The following DENND1A variants were observed in gnomAD, a reference collection of about 807,000 sequenced individuals.
DENND1A encodes DENN domain-containing protein 1A.
Under a neutral mutation model 113.7 loss-of-function variants are expected in DENND1A, and 51 were observed. The observed-to-expected ratio is 0.45, with a 90% confidence interval of 0.36 to 0.57. DENND1A has a LOEUF of 0.57. Among genes scored for constraint, DENND1A ranks in the 20% least tolerant of loss-of-function variants. The pLI, the probability that DENND1A is intolerant of heterozygous loss-of-function variation, is 0.00. For synonymous variants in DENND1A, 565 were observed against 570.8 expected, an observed-to-expected ratio of 0.99 and a Z score of 0.14; for missense variants, 1,258 against 1,395.9, an observed-to-expected ratio of 0.90 and a Z score of 1.57.
intron 12 of DENND1A, among the ~76,000 whole-genome samples, chr9:123,560,195 T>C (rs1032016627): frequency 2.0e-5 from 3 of 152,130 alleles, no homozygotes; most frequent in East Asian, 1.9e-4. Context: ...AATTTTGAGG[T>C]GACAATCTGA....
At chr9:123,822,448 G>T (rs1031745116) in intron 2 of DENND1A, among the ~76,000 whole-genome samples, 2 of 152,192 alleles carry the variant, frequency 1.3e-5, no homozygotes, top group Non-Finnish European at 2.9e-5. Flanking sequence ...CTCTATAGAA[G>T]GGGGGAAATT....
At chr9:123,916,343 A>G (rs948376325) in intron 1 of DENND1A, among the ~76,000 whole-genome samples, 10 of 150,844 alleles carry the variant, frequency 6.6e-5, no homozygotes, top group African/African-American at 2.4e-4. Context: ...GCCTGGCAAG[A>G]GGAGATGTGA....
chr9:123,715,255 G>A (rs1013083808), intron 5 of DENND1A, among the ~76,000 whole-genome samples: 2 of 152,148 alleles, frequency 1.3e-5, no homozygotes, highest in Admixed American at 1.3e-4. Flanking sequence ...CAAGACAAAT[G>A]AGAATACTCA....
rs2042330885 is a variant in DENND1A at position 123,382,501 on chromosome 9, G to C, written c.2144C>G (p.Ala715Gly). Residue 715 changes from alanine to glycine, a missense_variant, in exon 24 of 24, where the codon GCT (alanine) becomes GGT (glycine). Physicochemically the swap from Ala to Gly is moderately conservative, Grantham distance 60 (BLOSUM62 0). Coordinates refer to ENST00000394215, the MANE Select transcript of DENND1A (RefSeq NM_001352964.2). ...GGCTGAGGGCTTCTCAGGGGAGGCA[G>C]CTGGGGGCTTGCTGGGGATGGCCAT... ...DDMAIPSKPP[A>G]ASPEKPSALL... The C allele has an allele frequency of 6.2e-7, 1 of 1,613,864 alleles. No homozygotes were observed. Among genetic ancestry groups the C allele is most frequent in the Non-Finnish European group, 8.5e-7 (1 of 1,179,918 alleles).
At chr9:123,425,722 T>A (rs1366677268) in intron 19 of DENND1A, among the ~76,000 whole-genome samples, 3 of 152,082 alleles carry the variant, frequency 2.0e-5, no homozygotes, top group African/African-American at 7.2e-5. Flanking sequence ...TATAAATGCA[T>A]CCCCAGCAAG....
chr9:123,671,496 G>GT (rs1386367305), intron 6 of DENND1A, 125 bp from the exon 7 acceptor site: 1 of 863,902 alleles, frequency 1.2e-6, no homozygotes, highest in Non-Finnish European at 1.8e-6. Context: ...ACAGAAATAG[G>GT]TTTGATATTC....
At chr9:123,468,693 A>G (rs1341979780) in intron 13 of DENND1A, among the ~76,000 whole-genome samples, 1 of 152,186 alleles carries the variant, frequency 6.6e-6, no homozygotes, top group African/African-American at 2.4e-5. Context: ...CAACATGGAA[A>G]AAGCTAGTGT....
At chr9:123,498,269 C>T (rs2052128481) in intron 13 of DENND1A, among the ~76,000 whole-genome samples, 1 of 152,242 alleles carries the variant, frequency 6.6e-6, no homozygotes, top group Non-Finnish European at 1.5e-5. Flanking sequence ...CTCATTTAGT[C>T]TTTAAGACCA....
chr9:123,908,987 A>G (rs368683339), intron 1 of DENND1A, among the ~76,000 whole-genome samples: 5,652 of 151,832 alleles, frequency 0.037, 102 homozygotes, highest in Middle Eastern at 0.048. Context: ...AGAAAATGTG[A>G]CACATATACA....
chr9:123,527,826 T>C (rs1185271785), intron 13 of DENND1A, among the ~76,000 whole-genome samples: 2 of 152,220 alleles, frequency 1.3e-5, no homozygotes, highest in Non-Finnish European at 2.9e-5. Context: ...GAAAGATGAA[T>C]GCTAGAAAAG....
intron 11 of DENND1A, among the ~76,000 whole-genome samples, chr9:123,599,684 A>C (rs1477395614): frequency 6.6e-6 from 1 of 152,218 alleles, no homozygotes; most frequent in African/African-American, 2.4e-5. Context: ...CTGCTCAAAA[A>C]GCCCATGGTC....
At chr9:123,707,037 CAGA>C (rs1251645932) in intron 5 of DENND1A, among the ~76,000 whole-genome samples, 1 of 152,058 alleles carries the variant, frequency 6.6e-6, no homozygotes, top group Admixed American at 6.6e-5. Flanking sequence ...TGGGAGTTGT[CAGA>C]AGGTGTTAAT....
intron 5 of DENND1A, among the ~76,000 whole-genome samples, chr9:123,711,424 C>T (rs2066578644): frequency 6.9e-6 from 1 of 145,878 alleles, no homozygotes; most frequent in Admixed American, 7.0e-5. Flanking sequence ...CAAGATCACG[C>T]CACTGCACTC....
intron 19 of DENND1A, among the ~76,000 whole-genome samples, chr9:123,423,703 A>T (rs1158992700): frequency 1.3e-5 from 2 of 152,176 alleles, no homozygotes; most frequent in African/African-American, 4.8e-5. Flanking sequence ...GTAAATATGC[A>T]TTATTTATAC....
At chr9:123,788,540 T>C (rs1290126535) in intron 3 of DENND1A, among the ~76,000 whole-genome samples, 1 of 152,078 alleles carries the variant, frequency 6.6e-6, no homozygotes, top group Non-Finnish European at 1.5e-5. Context: ...ATGAACACAG[T>C]AAACATAATA....
intron 9 of DENND1A, among the ~76,000 whole-genome samples, chr9:123,631,445 G>T (rs1589431069): frequency 6.6e-6 from 1 of 152,106 alleles, no homozygotes; most frequent in Admixed American, 6.5e-5. Flanking sequence ...GAAATGCAAA[G>T]AATACCCAGC....
rs560144531 is a variant in DENND1A, at chr9:123,627,551, C to T, written c.719+2825G>A. Among the ~76,000 whole-genome samples, 251 of 152,220 alleles carry T rather than the reference C, an allele frequency of 1.6e-3. 1 individual carries two copies. The highest frequency in any genetic ancestry group is 3.2e-3 in the Non-Finnish European group (221 of 68,016). On this transcript the variant is annotated intron_variant, in intron 10 of 23. Coordinates refer to ENST00000394215, the MANE Select transcript of DENND1A (RefSeq NM_001352964.2). ...GGTCAGGAGATCGAGACCATCCTGG[C>T]TAACAAGGGAAACTCCGTCTCTACT...
intron 5 of DENND1A, among the ~76,000 whole-genome samples, chr9:123,690,505 G>T (rs1252509526): frequency 6.6e-6 from 1 of 152,008 alleles, no homozygotes; most frequent in Non-Finnish European, 1.5e-5. Flanking sequence ...GACTATAGAA[G>T]AATACTTAAC....
At chr9:123,480,340 A>G (rs1169350749) in intron 13 of DENND1A, among the ~76,000 whole-genome samples, 1 of 152,120 alleles carries the variant, frequency 6.6e-6, no homozygotes, top group Non-Finnish European at 1.5e-5. Flanking sequence ...GAGAGGCTTC[A>G]AGGCTCTTCT....
Sources: gnomAD v4.1 joint callset for allele counts (sites outside exome capture counted in the v4.1 genomes callset) on GRCh38, gnomAD v4.1.1 for gene constraint, MANE v1.5 for transcripts, NCBI Gene and HGNC (gene_info 2026-07-23, HGNC 2026-07-21) for gene names.